UMODL1: variants seen among roughly 807,000 people sequenced by gnomAD.
UMODL1 encodes uromodulin-like 1.
Under a neutral mutation model 136.3 loss-of-function variants are expected in UMODL1, and 128 were observed. That is an observed-to-expected ratio of 0.94 (90% CI 0.81 to 1.09). UMODL1 has a LOEUF of 1.09. Among genes scored for constraint, UMODL1 ranks in the 50% least tolerant of loss-of-function variants. UMODL1 has a pLI of 0.00. For synonymous variants in UMODL1, 721 were observed against 720.0 expected (o/e 1.00, Z -0.02); for missense variants, 1,766 against 1,725.6 (o/e 1.02, Z -0.41).
In UMODL1 at chr21:42,130,221, CGT is replaced by C. The variant is rs112746788; in HGVS notation, c.3775+448_3775+449del. Among the ~76,000 whole-genome samples, 614 of 150,416 alleles carry C rather than the reference CGT, an allele frequency of 4.1e-3. 3 individuals are homozygous for C. The highest frequency in any genetic ancestry group is 0.014 in the South Asian group (67 of 4,736). ...TCAAGCTATAATCAGGCCATGTCAA[CGT>C]GTGTGTGTGTGTGTGTGTGTGTGCG... On this transcript the variant is annotated intron_variant, in intron 21 of 22. Transcript: ENST00000408910.
chr21:42,111,342 GC>G (rs1399696697), intron 11 of UMODL1, 163 bp from the exon 12 acceptor site: 2 of 1,605,846 alleles, frequency 1.2e-6, no homozygotes, highest in Non-Finnish European at 1.7e-6. Flanking sequence ...AGCCAGGGGA[GC>G]CCCAGCCAGG....
intron 6 of UMODL1, 42 bp downstream of exon 6, chr21:42,090,480 T>G: frequency 6.2e-7 from 1 of 1,606,752 alleles, no homozygotes; most frequent in Admixed American, 1.7e-5. Flanking sequence ...AATGGCTTAA[T>G]TCCTGTTTGC....
intron 15 of UMODL1, among the ~76,000 whole-genome samples, chr21:42,119,866 C>T (rs868764541): frequency 3.3e-5 from 5 of 152,086 alleles, no homozygotes; most frequent in African/African-American, 4.8e-5. Flanking sequence ...AAAGAAAATA[C>T]GATTTTTAGA....
chr21:42,080,765 A>G (rs1291274830), intron 2 of UMODL1, among the ~76,000 whole-genome samples: 1 of 152,244 alleles, frequency 6.6e-6, no homozygotes, highest in East Asian at 1.9e-4. Flanking sequence ...ATTTCACAAG[A>G]GGATGGCCAC....
At chr21:42,098,227 C>T (rs900898519) in intron 6 of UMODL1, among the ~76,000 whole-genome samples, 1 of 152,078 alleles carries the variant, frequency 6.6e-6, no homozygotes, top group Non-Finnish European at 1.5e-5. Context: ...CCCAGAGAGC[C>T]CCACGACTCA....
upstream of UMODL1, among the ~76,000 whole-genome samples, chr21:42,067,865 C>T (rs917628467): frequency 2.0e-5 from 3 of 152,242 alleles, no homozygotes; most frequent in African/African-American, 7.2e-5. Flanking sequence ...CCGTGGAGGG[C>T]CACAGTCTCC....
chr21:42,126,181 C>T (rs1186500295), intron 17 of UMODL1, among the ~76,000 whole-genome samples, 164 bp from the exon 18 acceptor site: 3 of 152,186 alleles, frequency 2.0e-5, no homozygotes, highest in Non-Finnish European at 4.4e-5. Flanking sequence ...CCCTTAGGCT[C>T]TTAGGCAGTT....
chr21:42,093,806 A>G (rs2066521401), intron 6 of UMODL1: 3 of 449,720 alleles, frequency 6.7e-6, no homozygotes, highest in Non-Finnish European at 1.3e-5. Flanking sequence ...CGGGGTCTCC[A>G]GGTATTAAAA....
intron 21 of UMODL1, 76 bp downstream of exon 21, chr21:42,129,873 AG>A (rs1196527307): frequency 8.4e-7 from 1 of 1,184,392 alleles, no homozygotes; most frequent in African/African-American, 1.6e-5. Flanking sequence ...TAAATAAAAA[AG>A]TAACTGTTGT....
intron 1 of UMODL1, among the ~76,000 whole-genome samples, chr21:42,073,439 C>G (rs1246960224): frequency 6.6e-6 from 1 of 152,192 alleles, no homozygotes; most frequent in Non-Finnish European, 1.5e-5. Context: ...CTGGTGATGC[C>G]AAGCAGCAGG....
intron 12 of UMODL1, chr21:42,112,815 A>G (rs891040119): frequency 2.6e-5 from 3 of 116,878 alleles, no homozygotes; most frequent in African/African-American, 1.0e-4. Context: ...CTGTACCCCC[A>G]TCTGCTCTAC....
At chr21:42,107,408 T>C (rs961124207) in intron 9 of UMODL1, among the ~76,000 whole-genome samples, 2 of 152,080 alleles carry the variant, frequency 1.3e-5, no homozygotes, top group African/African-American at 4.8e-5. Context: ...TGCTGCCTGC[T>C]CCCACCCGCC....
intron 18 of UMODL1, 142 bp downstream of exon 18, chr21:42,126,632 A>C (rs954539021): frequency 1.5e-6 from 2 of 1,358,890 alleles, no homozygotes; most frequent in African/African-American, 1.4e-5. Flanking sequence ...CTGCTCCCCA[A>C]ATTTTGTTCC....
upstream of UMODL1, chr21:42,071,314 A>G (rs777983951): frequency 4.7e-5 from 74 of 1,580,848 alleles, no homozygotes; most frequent in Non-Finnish European, 5.9e-5. Context: ...CCACTGCCGG[A>G]CGATGCTCAG....
intron 10 of UMODL1, 115 bp downstream of exon 10, chr21:42,109,814 G>A: frequency 2.7e-6 from 3 of 1,128,244 alleles, no homozygotes; most frequent in South Asian, 3.2e-5. Flanking sequence ...TAATGTTAGG[G>A]GCCTACAGAA....
In UMODL1 at chr21:42,121,586, CAG is replaced by C. The variant is rs1222458380; in HGVS notation, c.2827+363_2827+364del. ...ACACGCAGCCGTGGGACACGCGACACAGGGGAATGTTTCCTCTTGGCCACTCT... is the reference window on the plus strand; with the variant it reads ...ACACGCAGCCGTGGGACACGCGACACGGGAATGTTTCCTCTTGGCCACTCT... On this transcript the variant is annotated intron_variant, in intron 16 of 22. Coordinates refer to ENST00000408910, the MANE Select transcript of UMODL1 (RefSeq NM_001004416.3). Among the ~76,000 whole-genome samples the C allele has an allele frequency of 6.6e-5, 10 of 152,338 alleles. 1 individual carries two copies. Among genetic ancestry groups the C allele is most frequent in the South Asian group, 6.2e-4 (3 of 4,822 alleles).
At chr21:42,090,720 C>T (rs977854839) in intron 6 of UMODL1, among the ~76,000 whole-genome samples, 2 of 152,198 alleles carry the variant, frequency 1.3e-5, no homozygotes, top group African/African-American at 4.8e-5. Context: ...AAACAGCAGT[C>T]CCACGTGTGT....
At chr21:42,110,740 G>A (rs930325358) in intron 10 of UMODL1, 140 bp from the exon 11 acceptor site, 8 of 810,926 alleles carry the variant, frequency 9.9e-6, no homozygotes, top group South Asian at 1.9e-5. Flanking sequence ...ACTCCTGAAC[G>A]CTGGCGCCCG....
At chr21:42,112,324 A>G (rs73905555) in intron 12 of UMODL1, among the ~76,000 whole-genome samples, 11,202 of 148,008 alleles carry the variant, frequency 0.076, 463 homozygotes, top group East Asian at 0.14. Flanking sequence ...GCTGCTCTGT[A>G]TCTGCCTAGC....
Sources: allele counts gnomAD v4.1 joint callset (sites outside exome capture counted in the v4.1 genomes callset), GRCh38; gene constraint gnomAD v4.1.1; transcripts MANE v1.5; gene names NCBI Gene and HGNC (gene_info 2026-07-23, HGNC 2026-07-21).